ADGRB1: variants seen among roughly 807,000 people sequenced by gnomAD.
The protein encoded by ADGRB1 is brain-specific angiogenesis inhibitor 1.
ADGRB1 carries 36 observed loss-of-function variants against 175.7 expected under a neutral mutation model. That is an observed-to-expected ratio of 0.20 (90% CI 0.16 to 0.27). ADGRB1 has a LOEUF of 0.27. Among genes scored for constraint, ADGRB1 ranks in the 10% least tolerant of loss-of-function variants. ADGRB1 has a pLI of 1.00. For synonymous variants in ADGRB1, 1,054 were observed against 979.4 expected (o/e 1.08, Z -1.42); for missense variants, 1,731 against 2,255.3 (o/e 0.77, Z 4.71).
Position 142,543,651 on chromosome 8 carries a change from C to G in ADGRB1, c.4500C>G (p.Asn1500Lys). The stretch of plus-strand genomic sequence containing the variant: ...ACCAAGACATGTTCCAGGACCTGAA[C>G]CGGAAGCTGCAGCACGCAGCGGAGA... ...KRHQDMFQDL[N>K]RKLQHAAEKD... Residue 1500 changes from asparagine (N) to lysine (K), a missense_variant, in exon 30 of 31, where the codon AAC becomes AAG. This residue lies in a region of ADGRB1 where 394 missense variants were observed against 410.2 expected (regional missense o/e 0.96). Coordinates refer to ENST00000517894, the MANE Select transcript of ADGRB1 (RefSeq NM_001702.3). The surrounding 1 kb of genome is among the most constrained non-coding windows in gnomAD (Gnocchi z 4.4). The G allele has an allele frequency of 3.8e-6, 6 of 1,569,930 alleles. No individual in the cohort carries two copies. Among genetic ancestry groups the G allele is most frequent in the Non-Finnish European group, 4.3e-6 (5 of 1,157,736 alleles).
Position 142,449,662 on chromosome 8 carries a change from C to G in ADGRB1, c.-662C>G, listed in dbSNP as rs1412992986. The G allele has an allele frequency of 5.8e-5, 8 of 139,098 alleles. No individual in the cohort carries two copies. The highest frequency in any genetic ancestry group is 2.1e-4 in the African/African-American group (8 of 37,804). The allele number at this position is 139,098 out of a possible 1,614,324, so 8.6% of individuals were successfully genotyped here. A position where few individuals can be genotyped will look rare whatever the true frequency, so the allele number is the denominator to read the frequency against. Reference sequence around the variant, plus strand: ...GGGAAAAAAGGCGAGAAGAGCCGGGCAGGCGAGAGGAGCGGAGCGGCGGCG... The same window carrying G: ...GGGAAAAAAGGCGAGAAGAGCCGGGGAGGCGAGAGGAGCGGAGCGGCGGCG... On this transcript the variant is annotated 5_prime_UTR_variant, in exon 1 of 31. Coordinates refer to ENST00000517894, the MANE Select transcript of ADGRB1 (RefSeq NM_001702.3).
At chr8:142,538,143 C>T (rs1000777405) in intron 26 of ADGRB1, among the ~76,000 whole-genome samples, 13 of 152,228 alleles carry the variant, frequency 8.5e-5, no homozygotes, top group African/African-American at 3.1e-4. Context: ...TGGGTCCCCT[C>T]CTCCAGGGAG....
At chr8:142,535,060 G>T (rs1160248187) in intron 25 of ADGRB1, among the ~76,000 whole-genome samples, 1 of 152,226 alleles carries the variant, frequency 6.6e-6, no homozygotes, top group Non-Finnish European at 1.5e-5. Context: ...AACAAAAAGA[G>T]CCTTGTGGAA....
rs772280990 is a variant in ADGRB1, at chr8:142,464,383, C to A, written c.185C>A (p.Pro62Gln). The A allele has an allele frequency of 1.4e-5, 22 of 1,525,886 alleles. No homozygotes were observed. The African/African-American group carries it at 3.0e-4, about 21-fold the overall frequency. The allele number at this position is 1,525,886 out of a possible 1,614,324, so 94.5% of individuals were successfully genotyped here. A position where few individuals can be genotyped will look rare whatever the true frequency, so the allele number is the denominator to read the frequency against. ...TACTTCTCCGCGGCCGCCGTGTTCC[C>A]GGCCAACGCCTCGCGCTGCTCCTGG... ...FGYFSAAAVF[P>Q]ANASRCSWTL... The change falls in exon 2 of 31, where the codon CCG becomes CAG. Residue 62 changes from proline (P) to glutamine (Q), a missense_variant. This residue lies in a region of ADGRB1 where 383 missense variants were observed against 383.1 expected (regional missense o/e 1.00). Transcript: ENST00000517894.
In ADGRB1 at chr8:142,542,914, G is replaced by A. The variant is rs969124836; in HGVS notation, c.4413+267G>A. On this transcript the variant is annotated intron_variant, in intron 28 of 30. Transcript: ENST00000517894. The surrounding 1 kb of genome is among the most constrained non-coding windows in gnomAD (Gnocchi z 6.3). Reference sequence around the variant, plus strand: ...ACCCACGGAGCAGGACCTGCACCTCGCACAGTCGCTAGTCCAGCCCTTGGG... The same window carrying A: ...ACCCACGGAGCAGGACCTGCACCTCACACAGTCGCTAGTCCAGCCCTTGGG... Among the ~76,000 whole-genome samples, 3 of 152,180 alleles carry A rather than the reference G, an allele frequency of 2.0e-5. No homozygotes were observed. The highest frequency in any genetic ancestry group is 3.2e-3 in the Middle Eastern group (1 of 316).
intron 24 of ADGRB1, among the ~76,000 whole-genome samples, chr8:142,529,958 C>T (rs1844513155): frequency 6.7e-6 from 1 of 148,664 alleles, no homozygotes; most frequent in South Asian, 2.2e-4. Flanking sequence ...GTGAGTGCAA[C>T]CCAGTGTGCA....
At chr8:142,478,541 G>A (rs1385354667) in intron 7 of ADGRB1, among the ~76,000 whole-genome samples, 181 bp downstream of exon 7, 8 of 150,896 alleles carry the variant, frequency 5.3e-5, no homozygotes, top group Admixed American at 1.3e-4. Context: ...GTGGCTGCAG[G>A]GTGAGTGAGG....
In ADGRB1 at chr8:142,542,011, C is replaced by A. The variant is rs61755064; in HGVS notation, c.3777C>A (p.Pro1259=). 21,787 of 1,601,490 alleles carry A rather than the reference C, an allele frequency of 0.014. 864 individuals carry two copies. Among genetic ancestry groups the A allele is most frequent in the African/African-American group, 0.12 (9,030 of 74,644 alleles). The change falls in exon 28 of 31, where the codon CCC becomes CCA. Residue 1259 remains proline (P), a synonymous_variant. Transcript: ENST00000517894. This position sits in a 1 kb window ranked among gnomAD's most constrained non-coding sequence, Gnocchi z 6.3. ...GCACACTGAAGCGGCCGTCTCTGCC[C>A]GAGGAGGAGAAGCTGAAGCTGGCCC... ...ITGTLKRPSL[P]EEEKLKLAHA... is the part of the protein sequence containing the mutation.
At chr8:142,520,729 G>A in intron 19 of ADGRB1, 94 bp from the exon 20 acceptor site, 1 of 1,024,302 alleles carries the variant, frequency 9.8e-7, no homozygotes, top group East Asian at 2.5e-5. Flanking sequence ...GCAGGAAGTG[G>A]GGTGGGGCTC....
intron 1 of ADGRB1, among the ~76,000 whole-genome samples, chr8:142,451,048 C>T (rs1039235463): frequency 2.0e-5 from 3 of 152,182 alleles, no homozygotes; most frequent in African/African-American, 7.2e-5. Flanking sequence ...CGAGCACGGC[C>T]CCCGCCCCCT....
At chr8:142,462,502 G>A (rs531586267) in intron 1 of ADGRB1, among the ~76,000 whole-genome samples, 7 of 152,370 alleles carry the variant, frequency 4.6e-5, no homozygotes, top group Admixed American at 2.0e-4. Flanking sequence ...CATGGGCTCA[G>A]AGCCTCTGCT....
chr8:142,462,576 C>T (rs2131665170), intron 1 of ADGRB1, among the ~76,000 whole-genome samples: 1 of 152,358 alleles, frequency 6.6e-6, no homozygotes, highest in Middle Eastern at 3.4e-3. Flanking sequence ...CAAGGCTGTG[C>T]AGGAAGGACG....
At position 142,510,233 on chromosome 8, in the gene ADGRB1, C is replaced by G. The variant is rs1171659229; in HGVS notation, c.2676-699C>G. 6.6e-6 allele frequency among the ~76,000 whole-genome samples: 1 copy of G among 152,072 alleles called. No homozygotes were observed. Among genetic ancestry groups the G allele is most frequent in the Non-Finnish European group, 1.5e-5 (1 of 67,982 alleles). ...GTGCTCAGATGAAAAGCGGGGCAGT[C>G]GCGGCCCGTAGACAGCGGGCGGCTG... is the stretch of plus-strand genomic sequence containing the variant. On this transcript the variant is annotated intron_variant, in intron 17 of 30. Transcript: ENST00000517894. The surrounding 1 kb of genome is among the most constrained non-coding windows in gnomAD (Gnocchi z 6.3).
intron 17 of ADGRB1, among the ~76,000 whole-genome samples, chr8:142,505,002 G>T (rs2132002648): frequency 6.7e-6 from 1 of 148,662 alleles, no homozygotes; most frequent in South Asian, 2.1e-4. Flanking sequence ...TCCCATAATA[G>T]CACCTGCTTC....
chr8:142,527,984 G>C (rs184970980), intron 24 of ADGRB1, among the ~76,000 whole-genome samples: 95 of 152,334 alleles, frequency 6.2e-4, no homozygotes, highest in Non-Finnish European at 1.1e-3. Context: ...TGTGCCACGG[G>C]GGCCAGCTGC....
At chr8:142,481,481 A>C (rs1200498405) in intron 10 of ADGRB1, 36 bp from the exon 11 acceptor site, 1 of 1,575,152 alleles carries the variant, frequency 6.3e-7, no homozygotes, top group South Asian at 1.1e-5. Context: ...CATGTTCCAC[A>C]GAGGTGAAGG....
At chr8:142,528,663 C>T (rs886806040) in intron 24 of ADGRB1, among the ~76,000 whole-genome samples, 2 of 152,220 alleles carry the variant, frequency 1.3e-5, no homozygotes, top group Non-Finnish European at 2.9e-5. Context: ...TCCGCTGCCA[C>T]CTCCCTCCTA....
At chr8:142,471,762 T>C (rs904751034) in intron 2 of ADGRB1, among the ~76,000 whole-genome samples, 6 of 152,234 alleles carry the variant, frequency 3.9e-5, no homozygotes, top group Non-Finnish European at 8.8e-5. Context: ...TGCCCGCCTC[T>C]GTGGCGGGAG....
At chr8:142,502,611 G>A (rs985757790) in intron 17 of ADGRB1, among the ~76,000 whole-genome samples, 3 of 135,148 alleles carry the variant, frequency 2.2e-5, no homozygotes, top group African/African-American at 7.1e-5. Context: ...TGATGGGGTG[G>A]TGGCTGTAGT....
Sources: gnomAD v4.1 joint callset for allele counts (sites outside exome capture counted in the v4.1 genomes callset) on GRCh38, gnomAD v4.1.1 for gene constraint, gnomAD v4.1.1 regional missense constraint, Gnocchi (gnomAD v3.1) non-coding constraint, MANE v1.5 for transcripts, NCBI Gene and HGNC (gene_info 2026-07-23, HGNC 2026-07-21) for gene names.